Variants in MAST2 observed in about 807,000 individuals in gnomAD.
The protein encoded by MAST2 is microtubule associated serine/threonine kinase 2.
Under a neutral mutation model 147.4 loss-of-function variants are expected in MAST2, and 70 were observed. The observed-to-expected ratio is 0.47, with a 90% CI of 0.39 to 0.58. MAST2 has a LOEUF of 0.58. Among genes scored for constraint, MAST2 ranks in the 20% least tolerant of loss-of-function variants. The probability of loss-of-function intolerance (pLI) is 0.00; values close to 1 mark genes in which losing one functional copy is unlikely to be tolerated. For synonymous variants in MAST2, 869 were observed against 896.8 expected (o/e 0.97, Z 0.55); for missense variants, 2,080 against 2,302.3 (o/e 0.90, Z 1.98).
chr1:45,903,126 C>T (rs1409501641), intron 4 of MAST2, among the ~76,000 whole-genome samples: 64 of 79,298 alleles, frequency 8.1e-4, no homozygotes, highest in African/African-American at 1.2e-3. Context: ...AAATTTTTGT[C>T]TTTTTTTTTT....
chr1:45,952,109 A>G (rs1009602450), intron 4 of MAST2, among the ~76,000 whole-genome samples: 2 of 152,264 alleles, frequency 1.3e-5, no homozygotes, highest in African/African-American at 4.8e-5. Flanking sequence ...ATGTTCATGC[A>G]AAAACTTGTA....
intron 5 of MAST2, among the ~76,000 whole-genome samples, chr1:45,989,313 A>T (rs150484107): frequency 3.3e-5 from 5 of 152,176 alleles, no homozygotes; most frequent in Admixed American, 2.6e-4. Flanking sequence ...GTGTACGTGT[A>T]TAGCAGTATC....
chr1:45,859,152 C>T lies in MAST2; in HGVS notation c.469-23212C>T, dbSNP rs142626288. On this transcript the variant is annotated intron_variant, in intron 3 of 28. Transcript: ENST00000361297. ...TTTTTTCCAATTCTGTGAAGAAAGT[C>T]ATTGGTATCTCGGCTCACTGCAACC... Among the ~76,000 whole-genome samples the T allele has an allele frequency of 1.9e-3, 296 of 152,134 alleles. 1 individual carries two copies. Among genetic ancestry groups the T allele is most frequent in the African/African-American group, 6.8e-3 (283 of 41,516 alleles).
At chr1:45,994,400 G>T (rs1465479475) in intron 5 of MAST2, among the ~76,000 whole-genome samples, 14 of 147,734 alleles carry the variant, frequency 9.5e-5, no homozygotes, top group Non-Finnish European at 1.5e-5. Flanking sequence ...AATTCTCCTG[G>T]CTCAGCCTCC....
chr1:46,005,769 CT>C (rs1557462866), intron 7 of MAST2, among the ~76,000 whole-genome samples: 4 of 152,196 alleles, frequency 2.6e-5, no homozygotes, highest in African/African-American at 9.7e-5. Flanking sequence ...CATTGGCCAG[CT>C]TGAGTGAGTC....
intron 1 of MAST2, among the ~76,000 whole-genome samples, chr1:45,819,791 C>T (rs1044216008): frequency 6.6e-6 from 1 of 152,120 alleles, no homozygotes; most frequent in Admixed American, 6.6e-5. Flanking sequence ...AGATTCAATA[C>T]AATCCATATT....
At chr1:45,880,909 T>C (rs1646815004) in intron 3 of MAST2, among the ~76,000 whole-genome samples, 1 of 134,228 alleles carries the variant, frequency 7.5e-6, no homozygotes, top group South Asian at 2.3e-4. Flanking sequence ...ACCCAGGAAG[T>C]GGAGGTTGCA....
At chr1:45,923,997 C>T (rs572449491) in intron 4 of MAST2, among the ~76,000 whole-genome samples, 4 of 152,156 alleles carry the variant, frequency 2.6e-5, no homozygotes, top group East Asian at 3.9e-4. Flanking sequence ...TCAGCCTCCC[C>T]AGTAGCTGGG....
chr1:45,861,574 C>T (rs146274444), intron 3 of MAST2, among the ~76,000 whole-genome samples: 1 of 152,096 alleles, frequency 6.6e-6, no homozygotes, highest in Non-Finnish European at 1.5e-5. Flanking sequence ...TCCTTTTCAT[C>T]TGTTGTGGTG....
At chr1:45,869,367 G>C (rs1333966280) in intron 3 of MAST2, among the ~76,000 whole-genome samples, 1 of 152,122 alleles carries the variant, frequency 6.6e-6, no homozygotes, top group Non-Finnish European at 1.5e-5. Context: ...GTTTGATTCA[G>C]AAATCTTACA....
intron 5 of MAST2, among the ~76,000 whole-genome samples, chr1:45,987,634 T>G (rs1187507518): frequency 1.3e-5 from 2 of 152,116 alleles, no homozygotes; most frequent in African/African-American, 2.4e-5. Flanking sequence ...TTATACATTT[T>G]CTCTCTTGTT....
At position 45,901,999 on chromosome 1, in the gene MAST2, C is replaced by T. The variant is rs77181356; in HGVS notation, c.500+19604C>T. On this transcript the variant is annotated intron_variant, in intron 4 of 28. Coordinates refer to ENST00000361297, the MANE Select transcript of MAST2 (RefSeq NM_015112.3). Reference sequence around the variant, plus strand: ...TTCTCTTGCCTAATTGCTCTGGCTACCACTTCCAGTACTATGTGGAATAGG... The same window carrying T: ...TTCTCTTGCCTAATTGCTCTGGCTATCACTTCCAGTACTATGTGGAATAGG... Among the ~76,000 whole-genome samples, 545 of 152,198 alleles carry T rather than the reference C, an allele frequency of 3.6e-3. 6 individuals carry two copies. Among genetic ancestry groups the T allele is most frequent in the East Asian group, 0.034 (177 of 5,186 alleles).
intron 3 of MAST2, among the ~76,000 whole-genome samples, chr1:45,846,119 G>C (rs1645426258): frequency 1.9e-5 from 1 of 53,702 alleles, no homozygotes; most frequent in Non-Finnish European, 3.2e-5. Flanking sequence ...AATCATCACT[G>C]ATTTTTTTTT....
chr1:45,898,431 T>G (rs925581930), intron 4 of MAST2, among the ~76,000 whole-genome samples: 2 of 152,220 alleles, frequency 1.3e-5, no homozygotes, highest in East Asian at 3.9e-4. Flanking sequence ...TTGTTGGACA[T>G]TATGGGCTGT....
Position 45,882,297 on chromosome 1 carries a change from C to T in MAST2, c.469-67C>T. 7 of 1,009,852 alleles carry T rather than the reference C, an allele frequency of 6.9e-6. No individual in the cohort carries two copies. The South Asian group carries it at 9.1e-5, about 13-fold the overall frequency. 62.6% of individuals were successfully genotyped at this position (1,009,852 alleles called of 1,614,324 possible). On this transcript the variant is annotated intron_variant, in intron 3 of 28. Transcript: ENST00000361297. Reference sequence around the variant, plus strand: ...AGATAATGCTGTGAATTTCCTAGGACATTTAGGTAGACCAACAGGACTCAG... The same window carrying T: ...AGATAATGCTGTGAATTTCCTAGGATATTTAGGTAGACCAACAGGACTCAG...
chr1:45,889,439 G>A (rs964891087), intron 4 of MAST2, among the ~76,000 whole-genome samples: 7 of 152,142 alleles, frequency 4.6e-5, no homozygotes, highest in East Asian at 1.9e-4. Context: ...TGCCTTCCTC[G>A]GCCTTCCGAG....
intron 9 of MAST2, 41 bp from the exon 10 acceptor site, chr1:46,010,689 G>A (rs1315634252): frequency 6.3e-7 from 1 of 1,582,636 alleles, no homozygotes; most frequent in Non-Finnish European, 8.7e-7. Context: ...AACTGAGCTG[G>A]AACTAGAAGG....
rs761923801 is a variant in MAST2 at position 46,025,746 on chromosome 1, C to T, written c.1850C>T (p.Ala617Val). 11 of 1,614,036 alleles carry T rather than the reference C, an allele frequency of 6.8e-6. No individual in the cohort carries two copies. Among genetic ancestry groups the T allele is most frequent in the African/African-American group, 1.3e-5 (1 of 74,898 alleles). Residue 617 changes from alanine (A) to valine (V), a missense_variant, in exon 16 of 29, where the codon GCG (alanine) becomes GTG (valine). Coordinates refer to ENST00000361297, the MANE Select transcript of MAST2 (RefSeq NM_015112.3). ...LPVDMVRLYF[A>V]ETVLALEYLH... ...GTGGACATGGTGCGTCTATACTTTG[C>T]GGAAACTGTGCTGGCCCTGGAGTAC... is the stretch of plus-strand genomic sequence containing the variant.
At chr1:45,913,651 G>C (rs1399667339) in intron 4 of MAST2, 2 of 1,016,318 alleles carry the variant, frequency 2.0e-6, no homozygotes, top group African/African-American at 3.5e-5. Flanking sequence ...TAGGTCTTTT[G>C]TGGGGGGATG....
Sources: gnomAD v4.1 joint callset for allele counts (sites outside exome capture counted in the v4.1 genomes callset) on GRCh38, gnomAD v4.1.1 for gene constraint, MANE v1.5 for transcripts, NCBI Gene and HGNC (gene_info 2026-07-23, HGNC 2026-07-21) for gene names.